TNFRSF10A: variants seen among roughly 807,000 people sequenced by gnomAD.
TNFRSF10A encodes TNF receptor superfamily member 10a.
In TNFRSF10A, 44 loss-of-function variants were observed where a neutral mutation model predicts 42.8. The observed-to-expected ratio is 1.03, with a 90% CI of 0.81 to 1.32. The LOEUF (loss-of-function observed/expected upper bound fraction) is 1.32, where lower values mean the gene tolerates loss of function less well. TNFRSF10A is among the 40% of genes most tolerant of loss of function. The pLI is 0.00. For missense variants in TNFRSF10A, 680 were observed against 602.0 expected, an observed-to-expected ratio of 1.13 and a Z score of -1.36; for synonymous variants, 259 against 234.2, an observed-to-expected ratio of 1.11 and a Z score of -0.97.
rs145301693 is a variant in TNFRSF10A at position 23,197,149 on chromosome 8, C to A, written c.1070G>T (p.Gly357Val). The A allele has an allele frequency of 6.2e-7, 1 of 1,614,196 alleles. No individual in the cohort carries two copies. Among genetic ancestry groups the A allele is most frequent in the South Asian group, 1.1e-5 (1 of 91,086 alleles). ...QRRRLLVPANGADPTETLMLF... is the reference protein window; with the variant it reads ...QRRRLLVPANVADPTETLMLF... ...ACACTTACTCTCAGTGGGGTCAGCA[C>A]CATTTGCTGGAACCAGCAGCCTCCT... The change falls in exon 9 of 10, where the codon GGT (glycine) becomes GTT (valine). Residue 357 changes from glycine (G) to valine (V), a missense_variant. Physicochemically the swap from Gly to Val is moderately radical, Grantham distance 109. Transcript: ENST00000221132.
At chr8:23,200,867 G>A (rs1800903395) in intron 4 of TNFRSF10A, 107 bp from the exon 5 acceptor site, 2 of 1,044,074 alleles carry the variant, frequency 1.9e-6, no homozygotes, top group Admixed American at 1.7e-5. Flanking sequence ...AAGGCGTCAG[G>A]GGAAGGATAG....
chr8:23,196,058 A>G (rs1283165516), intron 9 of TNFRSF10A, among the ~76,000 whole-genome samples: 1 of 152,202 alleles, frequency 6.6e-6, no homozygotes, highest in East Asian at 1.9e-4. Context: ...TTCCTTTTTC[A>G]GGAAATGACC....
intron 4 of TNFRSF10A, among the ~76,000 whole-genome samples, chr8:23,201,066 A>G (rs1585281314): frequency 6.6e-6 from 1 of 151,964 alleles, no homozygotes; most frequent in Admixed American, 6.6e-5. Context: ...GAGGAATCAC[A>G]CTCCAGGGGA....
intron 9 of TNFRSF10A, among the ~76,000 whole-genome samples, chr8:23,192,271 C>G (rs1004293759): frequency 2.0e-5 from 3 of 152,212 alleles, no homozygotes; most frequent in Non-Finnish European, 4.4e-5. Flanking sequence ...GAGAACCCAC[C>G]TGGGGAGGAT....
chr8:23,194,166 G>T (rs1479302195), intron 9 of TNFRSF10A, among the ~76,000 whole-genome samples: 1 of 152,316 alleles, frequency 6.6e-6, no homozygotes, highest in East Asian at 1.9e-4. Context: ...CATGGAGAGA[G>T]TTCAAAGGTA....
chr8:23,221,347 G>T (rs958408496), intron 1 of TNFRSF10A, among the ~76,000 whole-genome samples: 1 of 152,226 alleles, frequency 6.6e-6, no homozygotes, highest in Non-Finnish European at 1.5e-5. Context: ...AGAGGAGCAC[G>T]GCCAACCCTG....
intron 2 of TNFRSF10A, among the ~76,000 whole-genome samples, chr8:23,208,454 TTTG>T (rs1167139518): frequency 1.3e-5 from 2 of 152,152 alleles, no homozygotes; most frequent in Non-Finnish European, 2.9e-5. Flanking sequence ...CTTTTTTTGT[TTTG>T]TTTTGTTTTT....
In TNFRSF10A at chr8:23,191,900, T is replaced by C; in HGVS notation, c.1201A>G (p.Thr401Ala). 6.2e-7 allele frequency: 1 copy of C among 1,614,212 alleles called. No homozygotes were observed. The highest frequency in any genetic ancestry group is 8.5e-7 in the Non-Finnish European group (1 of 1,180,034). ...TACAAGGCATCCCCTGGGCCTGCTG[T>C]ACCAGCTCTGACCACATCGATCTCA... ...KNEIDVVRAG[T>A]AGPGDALYAM... The change falls in exon 10 of 10, where the codon ACA becomes GCA. Residue 401 changes from threonine to alanine, a missense_variant. By Grantham distance (58) the Thr-to-Ala change is moderately conservative. Coordinates refer to ENST00000221132, the MANE Select transcript of TNFRSF10A (RefSeq NM_003844.4).
At chr8:23,223,645 T>C (rs1460006274) in intron 1 of TNFRSF10A, among the ~76,000 whole-genome samples, 5 of 152,138 alleles carry the variant, frequency 3.3e-5, no homozygotes, top group African/African-American at 4.8e-5. Context: ...CAAAAACACG[T>C]AAAATTTCCT....
At position 23,197,149 on chromosome 8, in the gene TNFRSF10A, C is replaced by T. The variant is rs145301693; in HGVS notation, c.1070G>A (p.Gly357Asp). 176 of 1,614,078 alleles carry T rather than the reference C, an allele frequency of 1.1e-4. No homozygotes were observed. The highest frequency in any genetic ancestry group is 1.4e-4 in the Non-Finnish European group (171 of 1,180,020). The change falls in exon 9 of 10, where the codon GGT becomes GAT. Residue 357 changes from glycine (G) to aspartate (D), a missense_variant. Physicochemically the swap from Gly to Asp is moderately conservative, Grantham distance 94. Transcript: ENST00000221132. ...QRRRLLVPANGADPTETLMLF... is the reference protein window; with the variant it reads ...QRRRLLVPANDADPTETLMLF... ...ACACTTACTCTCAGTGGGGTCAGCA[C>T]CATTTGCTGGAACCAGCAGCCTCCT...
intron 2 of TNFRSF10A, among the ~76,000 whole-genome samples, chr8:23,203,616 T>A (rs1202088435): frequency 2.0e-5 from 3 of 152,212 alleles, no homozygotes; most frequent in Non-Finnish European, 4.4e-5. Flanking sequence ...CCCTCTCCTC[T>A]GATTCATATT....
At chr8:23,199,196 A>T (rs1204253798) in intron 8 of TNFRSF10A, 70 bp downstream of exon 8, 4 of 1,555,936 alleles carry the variant, frequency 2.6e-6, no homozygotes, top group Non-Finnish European at 3.5e-6. Context: ...TTCCCCTTTG[A>T]CCAGGAGAGC....
intron 1 of TNFRSF10A, among the ~76,000 whole-genome samples, chr8:23,223,879 A>G (rs556662173): frequency 2.0e-5 from 3 of 152,334 alleles, no homozygotes; most frequent in Non-Finnish European, 1.5e-5. Flanking sequence ...GTGGTGGTCA[A>G]TTCGCTGCCC....
chr8:23,224,020 T>G lies in TNFRSF10A; in HGVS notation c.306+736A>C, dbSNP rs968369282. On this transcript the variant is annotated intron_variant, in intron 1 of 9. Transcript: ENST00000221132. ...CCTGCCGGGCTGCGTGTTTAACCAA[T>G]TTGTCTAAGAAAAGAAGGATGGAGG... 3.3e-5 allele frequency among the ~76,000 whole-genome samples: 5 copies of G among 152,160 alleles called. No individual in the cohort carries two copies. In the East Asian group the frequency reaches 9.7e-4, roughly 29 times the overall value.
rs144143441 is a variant in TNFRSF10A, at chr8:23,198,774, C to T, written c.1014+492G>A. Among the ~76,000 whole-genome samples, 560 of 152,058 alleles carry T rather than the reference C, an allele frequency of 3.7e-3. 2 individuals are homozygous for T. The highest frequency in any genetic ancestry group is 0.012 in the African/African-American group (500 of 41,460). ...GTGTACATGCATGTGTGTGCATGTG[C>T]GTGTATGTGCGTGTACACAGTAAGC... On this transcript the variant is annotated intron_variant, in intron 8 of 9. Coordinates refer to ENST00000221132, the MANE Select transcript of TNFRSF10A (RefSeq NM_003844.4).
In TNFRSF10A at chr8:23,191,041, G is replaced by A. The variant is rs1341048930; in HGVS notation, c.*653C>T. The A allele has an allele frequency of 6.6e-6, 1 of 152,052 alleles. No individual in the cohort carries two copies. The highest frequency in any genetic ancestry group is 2.4e-5 in the African/African-American group (1 of 41,380). 9.4% of individuals were successfully genotyped at this position (152,052 alleles called of 1,614,324 possible). ...TTCTATCTTGCTCCCCAGTCTGTCG[G>A]ACGGTGCCCCCCCAAATTAAGGGTA... On this transcript the variant is annotated 3_prime_UTR_variant, in exon 10 of 10. Coordinates refer to ENST00000221132, the MANE Select transcript of TNFRSF10A (RefSeq NM_003844.4).
intron 1 of TNFRSF10A, among the ~76,000 whole-genome samples, chr8:23,212,444 C>T (rs1164570624): frequency 1.3e-5 from 2 of 152,242 alleles, no homozygotes; most frequent in Non-Finnish European, 2.9e-5. Context: ...AACTACTCTA[C>T]ATACTTCATA....
chr8:23,197,293 G>T, intron 8 of TNFRSF10A, 89 bp from the exon 9 acceptor site: 2 of 1,482,142 alleles, frequency 1.3e-6, no homozygotes, highest in South Asian at 2.3e-5. Context: ...CCGGAAACCT[G>T]CAGCACATCA....
rs1329861489 is a variant in TNFRSF10A, at chr8:23,194,898, A to G, written c.1087+2234T>C. Among the ~76,000 whole-genome samples, 4 of 152,220 alleles carry G rather than the reference A, an allele frequency of 2.6e-5. No individual in the cohort carries two copies. The South Asian group carries it at 8.3e-4, about 32-fold the overall frequency. On this transcript the variant is annotated intron_variant, in intron 9 of 9. Transcript: ENST00000221132. Reference sequence around the variant, plus strand: ...CCAGGCGCATTGGCTCATGTCTGTAATCCCAGCACTTTGGGAGGCCAAGGC... The same window carrying G: ...CCAGGCGCATTGGCTCATGTCTGTAGTCCCAGCACTTTGGGAGGCCAAGGC...
Sources: allele counts gnomAD v4.1 joint callset (sites outside exome capture counted in the v4.1 genomes callset), GRCh38; gene constraint gnomAD v4.1.1; transcripts MANE v1.5; gene names NCBI Gene and HGNC (gene_info 2026-07-23, HGNC 2026-07-21).